TOLLIP: variants seen among roughly 807,000 people sequenced by gnomAD.
TOLLIP encodes the protein toll interacting protein.
TOLLIP carries 16 observed loss-of-function variants against 33.5 expected under a neutral mutation model. The observed-to-expected ratio is 0.48, with a 90% CI of 0.32 to 0.72. The LOEUF is 0.72. TOLLIP is among the 30% of genes least tolerant of loss of function. The pLI is 0.03. For missense variants in TOLLIP, 325 were observed against 396.6 expected, an observed-to-expected ratio of 0.82 and a Z score of 1.53; for synonymous variants, 176 against 163.7, an observed-to-expected ratio of 1.07 and a Z score of -0.57.
At chr11:1,294,089 C>T (rs1864033931) in intron 2 of TOLLIP, among the ~76,000 whole-genome samples, 1 of 152,034 alleles carries the variant, frequency 6.6e-6, no homozygotes, top group African/African-American at 2.4e-5. Flanking sequence ...TCTCCTTTCC[C>T]TGCATTTCTA....
chr11:1,297,979 T>G (rs1427769046), intron 1 of TOLLIP, among the ~76,000 whole-genome samples: 1 of 152,000 alleles, frequency 6.6e-6, no homozygotes, highest in East Asian at 1.9e-4. Flanking sequence ...CCCAGAGCTC[T>G]CTCCCCGGGG....
chr11:1,276,501 G>A lies in TOLLIP; in HGVS notation c.*538C>T, dbSNP rs1863306959. On this transcript the variant is annotated 3_prime_UTR_variant, in exon 6 of 6. Transcript: ENST00000317204. The stretch of plus-strand genomic sequence containing the variant: ...GAGGCCGGCCCCACACCATCCACAG[G>A]AAGCTGCTCAGCTCACCAGACCCAA... The A allele has an allele frequency of 1.5e-5, 6 of 406,036 alleles. No homozygotes were observed. The highest frequency in any genetic ancestry group is 1.2e-4 in the South Asian group (6 of 48,558). 25.2% of individuals were successfully genotyped at this position (406,036 alleles called of 1,614,324 possible).
chr11:1,280,069 G>A (rs757221969), intron 5 of TOLLIP, among the ~76,000 whole-genome samples: 1 of 152,246 alleles, frequency 6.6e-6, no homozygotes, highest in Non-Finnish European at 1.5e-5. Flanking sequence ...CCAAGTTAGC[G>A]GGTTAATAAA....
At chr11:1,287,437 G>C (rs55686260) in intron 4 of TOLLIP, among the ~76,000 whole-genome samples, 1,022 of 22,088 alleles carry the variant, frequency 0.046, 108 homozygotes, top group African/African-American at 0.056. Context: ...CCCCGCCGCA[G>C]CCTCCCCGCC....
chr11:1,292,784 C>A (rs921588733), intron 2 of TOLLIP, among the ~76,000 whole-genome samples: 1 of 152,236 alleles, frequency 6.6e-6, no homozygotes, highest in Non-Finnish European at 1.5e-5. Flanking sequence ...GCAAGAGATG[C>A]GCGGCAGACA....
At chr11:1,284,043 G>C (rs1268905364) in intron 5 of TOLLIP, among the ~76,000 whole-genome samples, 1 of 152,184 alleles carries the variant, frequency 6.6e-6, no homozygotes, top group Admixed American at 6.5e-5. Context: ...GGCGGCTCTG[G>C]GCTGTCCCAG....
chr11:1,283,300 G>A (rs552106761), intron 5 of TOLLIP: 25 of 317,430 alleles, frequency 7.9e-5, no homozygotes, highest in South Asian at 6.2e-4. Context: ...GCAAGATGGG[G>A]ACCCCTCCAG....
chr11:1,308,422 C>T (rs546453429), intron 1 of TOLLIP, among the ~76,000 whole-genome samples: 16 of 152,250 alleles, frequency 1.1e-4, no homozygotes, highest in Non-Finnish European at 2.4e-4. Flanking sequence ...GATGCCGGCA[C>T]CATGCTACCT....
intron 1 of TOLLIP, among the ~76,000 whole-genome samples, chr11:1,304,348 C>T (rs2133932861): frequency 6.6e-6 from 1 of 152,254 alleles, no homozygotes; most frequent in East Asian, 1.9e-4. Flanking sequence ...AGTTTGCCAG[C>T]AAGGAAAATT....
intron 5 of TOLLIP, among the ~76,000 whole-genome samples, chr11:1,281,907 C>T (rs182822698): frequency 3.7e-4 from 56 of 152,336 alleles, no homozygotes; most frequent in African/African-American, 1.3e-3. Context: ...GCCCTGAGCA[C>T]GCAGCCGCCA....
chr11:1,309,482 C>T lies in TOLLIP; in HGVS notation c.17G>A (p.Ser6Asn). ...CTGCCTCACCGGCCCGCGCTGAGTG[C>T]TGACGGTGGTCGCCATGGTGCTGCG... MATTV[S>N]TQRGPVYIGE... The change falls in exon 1 of 6, where the codon AGC becomes AAC. Residue 6 changes from serine (S) to asparagine (N), a missense_variant. Transcript: ENST00000317204. The T allele has an allele frequency of 7.5e-7, 1 of 1,341,330 alleles. No individual in the cohort carries two copies. The highest frequency in any genetic ancestry group is 9.6e-7 in the Non-Finnish European group (1 of 1,040,330). 83.1% of individuals were successfully genotyped at this position (1,341,330 alleles called of 1,614,324 possible). A position where few individuals can be genotyped will look rare whatever the true frequency, so the allele number is the denominator to read the frequency against.
intron 1 of TOLLIP, among the ~76,000 whole-genome samples, chr11:1,299,856 G>A (rs1326032937): frequency 2.0e-5 from 3 of 152,194 alleles, no homozygotes; most frequent in African/African-American, 7.2e-5. Context: ...CATCCACCCA[G>A]CGCATCGCCA....
At chr11:1,291,554 CCTCA>C (rs1203532779) in intron 2 of TOLLIP, among the ~76,000 whole-genome samples, 1 of 150,754 alleles carries the variant, frequency 6.6e-6, no homozygotes, top group Admixed American at 6.6e-5. Flanking sequence ...GCCACCCCAT[CCTCA>C]CTGACGCCCC....
chr11:1,309,547 G>GC lies in TOLLIP; in HGVS notation c.-50_-49insG. 1 of 1,221,338 alleles carries GC rather than the reference G, an allele frequency of 8.2e-7. No individual in the cohort carries two copies. Among genetic ancestry groups the GC allele is most frequent in the Non-Finnish European group, 1.0e-6 (1 of 959,814 alleles). The allele number at this position is 1,221,338 out of a possible 1,614,324, so 75.7% of individuals were successfully genotyped here. A position where few individuals can be genotyped will look rare whatever the true frequency, so the allele number is the denominator to read the frequency against. On this transcript the variant is annotated 5_prime_UTR_variant, in exon 1 of 6. Coordinates refer to ENST00000317204, the MANE Select transcript of TOLLIP (RefSeq NM_019009.4). Reference sequence around the variant, plus strand: ...TCGCCGACCCGACAGTGACGCGCCGGGCGACCTCCTGCGCCCCCGCCGGAG... The same window carrying GC: ...TCGCCGACCCGACAGTGACGCGCCGGCGCGACCTCCTGCGCCCCCGCCGGAG...
intron 5 of TOLLIP, among the ~76,000 whole-genome samples, chr11:1,283,811 A>G (rs545395779): frequency 3.2e-4 from 48 of 152,268 alleles, no homozygotes; most frequent in Admixed American, 9.8e-4. Context: ...ACAGCCACAG[A>G]GCGCCCGGCC....
rs1000537447 is a variant in TOLLIP at position 1,276,695 on chromosome 11, G to A, written c.*344C>T. The A allele has an allele frequency of 1.4e-6, 2 of 1,405,342 alleles. No homozygotes were observed. Among genetic ancestry groups the A allele is most frequent in the Non-Finnish European group, 1.9e-6 (2 of 1,063,302 alleles). 87.1% of individuals were successfully genotyped at this position (1,405,342 alleles called of 1,614,324 possible). A position where few individuals can be genotyped will look rare whatever the true frequency, so the allele number is the denominator to read the frequency against. On this transcript the variant is annotated 3_prime_UTR_variant, in exon 6 of 6. Coordinates refer to ENST00000317204, the MANE Select transcript of TOLLIP (RefSeq NM_019009.4). The stretch of plus-strand genomic sequence containing the variant: ...CAAAATGCCATGAATGGAATCGGAA[G>A]GCGCTCCACCACCTCCAACACCCTG...
chr11:1,295,421 C>T (rs892627088), intron 2 of TOLLIP: 3 of 500,338 alleles, frequency 6.0e-6, no homozygotes, highest in African/African-American at 5.7e-5. Context: ...AGACGCCCAC[C>T]TACACCCACT....
chr11:1,290,279 T>C lies in TOLLIP; in HGVS notation c.314A>G (p.His105Arg). The change falls in exon 3 of 6, where the codon CAC becomes CGC. Residue 105 changes from histidine (H) to arginine (R), a missense_variant. Coordinates refer to ENST00000317204, the MANE Select transcript of TOLLIP (RefSeq NM_019009.4). The surrounding 1 kb of genome is among the most constrained non-coding windows in gnomAD (Gnocchi z 4.9). Reference protein sequence around the residue: ...AKNPRWNKVIHCTVPPGVDSF... With the variant: ...AKNPRWNKVIRCTVPPGVDSF... ...GTCCACGCCTGGGGGCACCGTGCAG[T>C]GGATGACCTTATTCCAGCGGGGATT... 7 of 1,613,616 alleles carry C rather than the reference T, an allele frequency of 4.3e-6. No homozygotes were observed. Among genetic ancestry groups the C allele is most frequent in the Non-Finnish European group, 5.9e-6 (7 of 1,179,976 alleles).
intron 1 of TOLLIP, 42 bp downstream of exon 1, chr11:1,309,424 G>A (rs1261871600): frequency 1.7e-6 from 2 of 1,200,546 alleles, no homozygotes; most frequent in Non-Finnish European, 2.1e-6. Flanking sequence ...GCCCGCAACC[G>A]CAGGTCACCG....
Sources: gnomAD v4.1 joint callset for allele counts (sites outside exome capture counted in the v4.1 genomes callset) on GRCh38, gnomAD v4.1.1 for gene constraint, Gnocchi (gnomAD v3.1) non-coding constraint, MANE v1.5 for transcripts, NCBI Gene and HGNC (gene_info 2026-07-23, HGNC 2026-07-21) for gene names.